Variants in NR3C2 observed in about 807,000 individuals in gnomAD.
NR3C2 encodes nuclear receptor subfamily 3 group C member 2, also known as mineralocorticoid receptor.
A neutral mutation model predicts 86.4 loss-of-function variants in NR3C2; 15 were observed. That is an observed-to-expected ratio of 0.17 (90% CI 0.12 to 0.27). The LOEUF (loss-of-function observed/expected upper bound fraction) is 0.27, where lower values mean the gene tolerates loss of function less well. Among genes scored for constraint, NR3C2 ranks in the 10% least tolerant of loss-of-function variants. The pLI, the probability that NR3C2 is intolerant of heterozygous loss-of-function variation, is 1.00. For synonymous variants in NR3C2, 458 were observed against 450.5 expected (o/e 1.02, Z -0.21); for missense variants, 960 against 1,195.6 (o/e 0.80, Z 2.91).
intron 2 of NR3C2, among the ~76,000 whole-genome samples, chr4:148,268,618 G>A (rs1740515861): frequency 6.6e-6 from 1 of 152,150 alleles, no homozygotes. Context: ...TGGGGTACTG[G>A]TGCAAGATAA....
chr4:148,096,162 A>G (rs1731267422), intron 8 of NR3C2, among the ~76,000 whole-genome samples: 1 of 152,210 alleles, frequency 6.6e-6, no homozygotes, highest in Non-Finnish European at 1.5e-5. Context: ...TGAAAAACAC[A>G]GAGAAAAATG....
intron 2 of NR3C2, among the ~76,000 whole-genome samples, chr4:148,327,891 T>A (rs1244956047): frequency 1.3e-5 from 2 of 152,182 alleles, no homozygotes; most frequent in Non-Finnish European, 2.9e-5. Context: ...CCAGACAGCA[T>A]CATGTGCACC....
intron 4 of NR3C2, among the ~76,000 whole-genome samples, chr4:148,174,002 G>T (rs1735255215): frequency 6.6e-6 from 1 of 152,152 alleles, no homozygotes; most frequent in Non-Finnish European, 1.5e-5. Context: ...GTGTTTCTGG[G>T]TTGAAAACAA....
intron 2 of NR3C2, among the ~76,000 whole-genome samples, chr4:148,381,364 T>C (rs1261106008): frequency 6.6e-6 from 1 of 152,206 alleles, no homozygotes; most frequent in Admixed American, 6.5e-5. Flanking sequence ...ACTGTTTCTC[T>C]AGAAAAATGT....
chr4:148,123,733 G>T (rs1356595363), intron 6 of NR3C2, among the ~76,000 whole-genome samples: 1 of 152,274 alleles, frequency 6.6e-6, no homozygotes, highest in East Asian at 1.9e-4. Context: ...CTCTGCTATG[G>T]CTCTACTGGA....
chr4:148,441,009 T>A (rs1257674557), intron 1 of NR3C2, among the ~76,000 whole-genome samples: 1 of 152,192 alleles, frequency 6.6e-6, no homozygotes, highest in Non-Finnish European at 1.5e-5. Context: ...TCACTATATG[T>A]AACTATTTTT....
chr4:148,423,875 A>C (rs1257170614), intron 2 of NR3C2, among the ~76,000 whole-genome samples: 1 of 152,092 alleles, frequency 6.6e-6, no homozygotes, highest in Non-Finnish European at 1.5e-5. Flanking sequence ...CGCCTGGCTA[A>C]TATTTGTTTG....
chr4:148,275,197 A>G (rs1359026002), intron 2 of NR3C2, among the ~76,000 whole-genome samples: 1 of 152,252 alleles, frequency 6.6e-6, no homozygotes, highest in Non-Finnish European at 1.5e-5. Flanking sequence ...ACTTTAAAGT[A>G]CACAGGTCAG....
chr4:148,291,821 G>A (rs1362147856), intron 2 of NR3C2, among the ~76,000 whole-genome samples: 1 of 152,076 alleles, frequency 6.6e-6, no homozygotes, highest in African/African-American at 2.4e-5. Flanking sequence ...TAAACTGAAA[G>A]TGCATTTAAT....
chr4:148,166,103 T>C (rs950544034), intron 4 of NR3C2, among the ~76,000 whole-genome samples: 1 of 152,252 alleles, frequency 6.6e-6, no homozygotes, highest in Non-Finnish European at 1.5e-5. Flanking sequence ...TAGCCAATGA[T>C]GCATGTACTT....
intron 3 of NR3C2, among the ~76,000 whole-genome samples, chr4:148,245,745 C>T (rs567696431): frequency 6.6e-6 from 1 of 152,198 alleles, no homozygotes; most frequent in Admixed American, 6.5e-5. Context: ...CAAGCAAAAC[C>T]TTTAAACATT....
At chr4:148,423,941 G>A (rs1477967274) in intron 2 of NR3C2, among the ~76,000 whole-genome samples, 1 of 152,194 alleles carries the variant, frequency 6.6e-6, no homozygotes, top group African/African-American at 2.4e-5. Flanking sequence ...TCAAACTCCT[G>A]ACCTCAGAAA....
At chr4:148,376,162 A>C (rs201933905) in intron 2 of NR3C2, among the ~76,000 whole-genome samples, 3 of 150,682 alleles carry the variant, frequency 2.0e-5, no homozygotes, top group Non-Finnish European at 3.0e-5. Flanking sequence ...AAAAAAAAAA[A>C]CCCACGACGA....
At chr4:148,145,271 T>G (rs971325825) in intron 6 of NR3C2, among the ~76,000 whole-genome samples, 1 of 152,174 alleles carries the variant, frequency 6.6e-6, no homozygotes, top group East Asian at 1.9e-4. Flanking sequence ...TGCATAGAAC[T>G]CCAGTAAACA....
At chr4:148,352,380 CT>C (rs1745330353) in intron 2 of NR3C2, among the ~76,000 whole-genome samples, 4 of 94,010 alleles carry the variant, frequency 4.3e-5, no homozygotes, top group Admixed American at 1.2e-4. Flanking sequence ...TATCATCTAT[CT>C]ATCTATCTAT....
intron 2 of NR3C2, among the ~76,000 whole-genome samples, chr4:148,421,758 A>G (rs553813352): frequency 6.6e-6 from 1 of 152,170 alleles, no homozygotes; most frequent in African/African-American, 2.4e-5. Context: ...TTAACTTTTT[A>G]AAAAAGCATA....
chr4:148,226,031 T>A (rs541179099), intron 3 of NR3C2, among the ~76,000 whole-genome samples: 1 of 152,318 alleles, frequency 6.6e-6, no homozygotes, highest in South Asian at 2.1e-4. Context: ...TCCTAAGATA[T>A]GTGTAATCAG....
At chr4:148,104,040 C>G (rs1472758024) in intron 8 of NR3C2, among the ~76,000 whole-genome samples, 1 of 152,186 alleles carries the variant, frequency 6.6e-6, no homozygotes, top group African/African-American at 2.4e-5. Flanking sequence ...CATCCATTGG[C>G]ACAAGTCAGC....
At chr4:148,351,927 C>T (rs1000045180) in intron 2 of NR3C2, among the ~76,000 whole-genome samples, 29 of 152,192 alleles carry the variant, frequency 1.9e-4, no homozygotes, top group Non-Finnish European at 2.8e-4. Context: ...GTGGAAACAC[C>T]ATGTGTTTCC....
Sources: allele counts gnomAD v4.1 joint callset (sites outside exome capture counted in the v4.1 genomes callset), GRCh38; gene constraint gnomAD v4.1.1; transcripts MANE v1.5; gene names NCBI Gene and HGNC (gene_info 2026-07-23, HGNC 2026-07-21).